CDC7: variants seen among roughly 807,000 people sequenced by gnomAD.
CDC7 encodes the protein cell division cycle 7.
CDC7 carries 34 observed loss-of-function variants against 53.5 expected under a neutral mutation model. The observed-to-expected ratio is 0.64, with a 90% confidence interval of 0.48 to 0.85. CDC7 has a LOEUF of 0.85. Among genes scored for constraint, CDC7 ranks in the 40% least tolerant of loss-of-function variants. The probability of loss-of-function intolerance (pLI) is 0.00; values close to 1 mark genes in which losing one functional copy is unlikely to be tolerated. For missense variants in CDC7, 594 were observed against 679.7 expected, an observed-to-expected ratio of 0.87 and a Z score of 1.40; for synonymous variants, 211 against 222.8, an observed-to-expected ratio of 0.95 and a Z score of 0.47.
At position 91,513,964 on chromosome 1, in the gene CDC7, T is replaced by A; in HGVS notation, c.839T>A (p.Leu280His). The A allele has an allele frequency of 6.2e-7, 1 of 1,611,546 alleles. No homozygotes were observed. ...GTATTGTAGGAGGGATCTGTAGGCC[T>A]TTCTGTCCAGCGCTCTGTTTTTGGA... ...GKDGKEGSVG[L>H]SVQRSVFGER... is the part of the protein sequence containing the mutation. The change falls in exon 8 of 12, where the codon CTT (leucine) becomes CAT (histidine). Residue 280 changes from leucine to histidine, a missense_variant. Transcript: ENST00000234626.
Position 91,514,738 on chromosome 1 carries a change from T to C in CDC7, c.919-81T>C. On this transcript the variant is annotated intron_variant, in intron 8 of 11. Coordinates refer to ENST00000234626, the MANE Select transcript of CDC7 (RefSeq NM_003503.4). Reference sequence around the variant, plus strand: ...GCAGTTTTTAAAGTTATGCTTCCGCTATTGCTTTTTGCCATACTAGCATTT... The same window carrying C: ...GCAGTTTTTAAAGTTATGCTTCCGCCATTGCTTTTTGCCATACTAGCATTT... 5 of 1,055,438 alleles carry C rather than the reference T, an allele frequency of 4.7e-6. No individual in the cohort carries two copies. In the South Asian group the frequency reaches 9.2e-5, roughly 19 times the overall value. The allele number at this position is 1,055,438 out of a possible 1,614,324, so 65.4% of individuals were successfully genotyped here.
In CDC7 at chr1:91,513,040, C is replaced by CTTAA; in HGVS notation, c.573-15_573-12dup. The CTTAA allele has an allele frequency of 6.2e-7, 1 of 1,607,698 alleles. No individual in the cohort carries two copies. Among genetic ancestry groups the CTTAA allele is most frequent in the Non-Finnish European group, 8.5e-7 (1 of 1,176,614 alleles). The stretch of plus-strand genomic sequence containing the variant: ...TAATTGCTACAGATAAGTAAAAATG[C>CTTAA]TTAATTTTGTCTCTTAGGTATGCCT... On this transcript the variant is annotated splice_polypyrimidine_tract_variant and intron_variant, in intron 6 of 11. Coordinates refer to ENST00000234626, the MANE Select transcript of CDC7 (RefSeq NM_003503.4).
intron 10 of CDC7, 83 bp downstream of exon 10, chr1:91,515,959 A>C (rs1305217263): frequency 8.6e-7 from 1 of 1,158,276 alleles, no homozygotes; most frequent in African/African-American, 1.6e-5. Flanking sequence ...TCTATTTATA[A>C]CTAATATTTG....
In CDC7 at chr1:91,520,246, T is replaced by G; in HGVS notation, c.1297T>G (p.Ser433Ala). The change falls in exon 11 of 12, where the codon TCC becomes GCC. Residue 433 changes from serine to alanine, a missense_variant. Transcript: ENST00000234626. ...ALAQIMTIRGSRETIQAAKTF... is the reference protein window; with the variant it reads ...ALAQIMTIRGARETIQAAKTF... ...GGCCCAAATTATGACAATTAGGGGA[T>G]CCAGAGAAACTATCCAAGCTGCTAA... is the stretch of plus-strand genomic sequence containing the variant. The G allele has an allele frequency of 6.2e-7, 1 of 1,605,868 alleles. No homozygotes were observed. The highest frequency in any genetic ancestry group is 8.5e-7 in the Non-Finnish European group (1 of 1,176,586).
At chr1:91,519,519 G>T (rs1348543160) in intron 10 of CDC7, among the ~76,000 whole-genome samples, 1 of 152,044 alleles carries the variant, frequency 6.6e-6, no homozygotes, top group African/African-American at 2.4e-5. Flanking sequence ...TCCAGGATGT[G>T]ATTATTACAC....
rs1409044551 is a variant in CDC7 at position 91,511,800 on chromosome 1, C to G, written c.449C>G (p.Ser150Cys). 1 of 1,602,372 alleles carries G rather than the reference C, an allele frequency of 6.2e-7. No homozygotes were observed. The highest frequency in any genetic ancestry group is 2.2e-5 in the East Asian group (1 of 44,472). ...TTTTAGGACATTCTGAATTCTCTTT[C>G]CTTTCAAGAAGTACGGGAATATATG... ...ESFLDILNSL[S>C]FQEVREYMLN... The change falls in exon 6 of 12, where the codon TCC becomes TGC. Residue 150 changes from serine (S) to cysteine (C), a missense_variant. Coordinates refer to ENST00000234626, the MANE Select transcript of CDC7 (RefSeq NM_003503.4).
In CDC7 at chr1:91,525,733, T is replaced by TATTCA. The variant is rs1280121319; in HGVS notation, c.*1301_*1305dup. On this transcript the variant is annotated 3_prime_UTR_variant, in exon 12 of 12. Transcript: ENST00000234626. ...AAATTTGAATGCTCTTGAATTTGTA[T>TATTCA]ATTCAATAAAGTTATCCTTTTATAT... The TATTCA allele has an allele frequency of 1.3e-5, 2 of 152,126 alleles. No homozygotes were observed. The highest frequency in any genetic ancestry group is 2.9e-5 in the Non-Finnish European group (2 of 67,968). 9.4% of individuals were successfully genotyped at this position (152,126 alleles called of 1,614,324 possible). A position where few individuals can be genotyped will look rare whatever the true frequency, so the allele number is the denominator to read the frequency against.
At chr1:91,518,637 G>A (rs964603606) in intron 10 of CDC7, among the ~76,000 whole-genome samples, 7 of 152,102 alleles carry the variant, frequency 4.6e-5, no homozygotes, top group African/African-American at 1.7e-4. Context: ...GCCAGGCACC[G>A]AAAGACAAGA....
At chr1:91,502,685 C>CG (rs1666758723) in intron 2 of CDC7, among the ~76,000 whole-genome samples, 1 of 152,176 alleles carries the variant, frequency 6.6e-6, no homozygotes, top group African/African-American at 2.4e-5. Flanking sequence ...CATATCGTCA[C>CG]CTAGCTTTAT....
intron 4 of CDC7, 79 bp from the exon 5 acceptor site, chr1:91,511,518 T>TG: frequency 1.3e-6 from 1 of 796,016 alleles, no homozygotes; most frequent in Non-Finnish European, 2.1e-6. Context: ...TTGCTAAAAT[T>TG]GCGGTTTTTA....
At chr1:91,521,489 A>G (rs1667944508) in intron 11 of CDC7, among the ~76,000 whole-genome samples, 3 of 152,358 alleles carry the variant, frequency 2.0e-5, no homozygotes, top group South Asian at 2.1e-4. Flanking sequence ...ATTTGTAACT[A>G]TCTTGTACTT....
rs533563378 is a variant in CDC7 at position 91,503,259 on chromosome 1, T to C, written c.115+1428T>C. Among the ~76,000 whole-genome samples the C allele has an allele frequency of 4.5e-4, 69 of 152,344 alleles. 1 individual carries two copies. Among genetic ancestry groups the C allele is most frequent in the Non-Finnish European group, 7.5e-4 (51 of 68,032 alleles). On this transcript the variant is annotated intron_variant, in intron 2 of 11. Coordinates refer to ENST00000234626, the MANE Select transcript of CDC7 (RefSeq NM_003503.4). ...GTTTATGTAACAGAACATTGGACAT[T>C]ATAATATGATAAATTATAAAACGTG... is the stretch of plus-strand genomic sequence containing the variant.
At position 91,514,875 on chromosome 1, in the gene CDC7, G is replaced by C. The variant is rs554770938; in HGVS notation, c.975G>C (p.Lys325Asn). ...DVLSRKLATK[K>N]KAISTKVMNS... ...TGTCTAGAAAGTTAGCAACAAAAAA[G>C]AAGGCTATTTCTACAAAAGTTATGA... The change falls in exon 9 of 12, where the codon AAG becomes AAC. Residue 325 changes from lysine to asparagine, a missense_variant. Lys to Asn is a moderately conservative substitution (Grantham distance 94, BLOSUM62 0). Coordinates refer to ENST00000234626, the MANE Select transcript of CDC7 (RefSeq NM_003503.4). The C allele has an allele frequency of 2.2e-5, 36 of 1,613,442 alleles. No individual in the cohort carries two copies. The South Asian group carries it at 3.7e-4, about 17-fold the overall frequency.
chr1:91,512,998 A>G, intron 6 of CDC7, 60 bp from the exon 7 acceptor site: 2 of 1,435,268 alleles, frequency 1.4e-6, no homozygotes, highest in South Asian at 1.2e-5. Context: ...TGAGAGTATT[A>G]CAATGTTACT....
intron 2 of CDC7, among the ~76,000 whole-genome samples, chr1:91,507,494 A>G (rs13447487): frequency 0.031 from 4,646 of 152,306 alleles, 216 homozygotes; most frequent in African/African-American, 0.1. Flanking sequence ...TTTCAAGAAC[A>G]TCGCAATGTG....
At chr1:91,506,073 G>A (rs1427673519) in intron 2 of CDC7, among the ~76,000 whole-genome samples, 3 of 152,196 alleles carry the variant, frequency 2.0e-5, no homozygotes, top group Non-Finnish European at 2.9e-5. Context: ...ACAGTGGCAC[G>A]ATCATAGTTT....
intron 4 of CDC7, among the ~76,000 whole-genome samples, chr1:91,509,552 C>T (rs1014021728): frequency 1.7e-4 from 26 of 152,270 alleles, no homozygotes; most frequent in Non-Finnish European, 2.6e-4. Flanking sequence ...TCTAGAAGTT[C>T]ATCCATGTCT....
intron 2 of CDC7, among the ~76,000 whole-genome samples, chr1:91,502,767 A>G (rs1009837333): frequency 5.9e-5 from 9 of 151,776 alleles, no homozygotes; most frequent in African/African-American, 2.2e-4. Flanking sequence ...ATTTCCTTAC[A>G]CTTTGTTCCT....
At position 91,511,862 on chromosome 1, in the gene CDC7, T is replaced by C. The variant is rs751307469; in HGVS notation, c.511T>C (p.Phe171Leu). ...CAAAGCTTTGAAACGCATTCATCAG[T>C]TTGGTATTGTTCACCGTGATGTTAA... ...LFKALKRIHQ[F>L]GIVHRDVKPS... is the part of the protein sequence containing the mutation. The change falls in exon 6 of 12, where the codon TTT becomes CTT. Residue 171 changes from phenylalanine (F) to leucine (L), a missense_variant. By Grantham distance (22) the Phe-to-Leu change is conservative (BLOSUM62 0). Transcript: ENST00000234626. The C allele has an allele frequency of 6.2e-7, 1 of 1,604,712 alleles. No homozygotes were observed. The highest frequency in any genetic ancestry group is 8.5e-7 in the Non-Finnish European group (1 of 1,172,890).
Sources: gnomAD v4.1 joint callset for allele counts (sites outside exome capture counted in the v4.1 genomes callset) on GRCh38, gnomAD v4.1.1 for gene constraint, MANE v1.5 for transcripts, NCBI Gene and HGNC (gene_info 2026-07-23, HGNC 2026-07-21) for gene names.